Variants in SP140 observed in about 807,000 individuals in gnomAD.
SP140 encodes the protein nuclear body protein SP140.
In SP140, 81 loss-of-function variants were observed where a neutral mutation model predicts 125.0. The ratio of observed to expected loss-of-function variants is 0.65; its 90% confidence interval spans 0.54 to 0.78. The LOEUF (loss-of-function observed/expected upper bound fraction) is 0.78, where lower values mean the gene tolerates loss of function less well. Among genes scored for constraint, SP140 ranks in the 30% least tolerant of loss-of-function variants. The probability of loss-of-function intolerance (pLI) is 0.00; values close to 1 mark genes in which losing one functional copy is unlikely to be tolerated. For missense variants in SP140, 858 were observed against 1,037.0 expected, an observed-to-expected ratio of 0.83 and a Z score of 2.37; for synonymous variants, 312 against 354.0, an observed-to-expected ratio of 0.88 and a Z score of 1.33.
intron 22 of SP140, among the ~76,000 whole-genome samples, chr2:230,308,020 G>GACAC (rs1211502170): frequency 9.1e-6 from 1 of 110,134 alleles, no homozygotes; most frequent in East Asian, 2.5e-4. Flanking sequence ...CACACACAGA[G>GACAC]ACACACACAC....
Position 230,248,853 on chromosome 2 carries a change from C to T in SP140, c.893-32C>T, listed in dbSNP as rs201540175. 2.5e-4 allele frequency: 393 copies of T among 1,566,860 alleles called. 2 individuals carry two copies. In the African/African-American group the frequency reaches 5.1e-3, roughly 20 times the overall value. On this transcript the variant is annotated intron_variant, in intron 8 of 26. Coordinates refer to ENST00000392045, the MANE Select transcript of SP140 (RefSeq NM_007237.5). ...CTGAGGCCTGTGTCCAAGTCACCCT[C>T]TGTGGTCTGTCAATTTCTTGTTTAT...
At chr2:230,253,595 C>A (rs939309300) in intron 11 of SP140, among the ~76,000 whole-genome samples, 178 bp downstream of exon 11, 1 of 152,022 alleles carries the variant, frequency 6.6e-6, no homozygotes, top group Non-Finnish European at 1.5e-5. Flanking sequence ...GACAAAGGAT[C>A]AAGCTAAGGT....
intron 22 of SP140, among the ~76,000 whole-genome samples, chr2:230,303,279 C>G (rs1431737364): frequency 1.3e-5 from 2 of 152,082 alleles, no homozygotes; most frequent in Non-Finnish European, 2.9e-5. Context: ...ACTATGAACA[C>G]CTTTATGCAC....
chr2:230,313,085 A>T lies in SP140; in HGVS notation c.*401A>T, dbSNP rs2059441714. On this transcript the variant is annotated 3_prime_UTR_variant, in exon 27 of 27. Transcript: ENST00000392045. Reference sequence around the variant, plus strand: ...ACTTCCGTGGCCACCTCCATGCAGAAGCCCTAAGCCCACATTCTTTCGATA... The same window carrying T: ...ACTTCCGTGGCCACCTCCATGCAGATGCCCTAAGCCCACATTCTTTCGATA... 1 of 192,656 alleles carries T rather than the reference A, an allele frequency of 5.2e-6. No homozygotes were observed. Among genetic ancestry groups the T allele is most frequent in the Admixed American group, 6.3e-5 (1 of 15,824 alleles). The allele number at this position is 192,656 out of a possible 1,614,324, so 11.9% of individuals were successfully genotyped here.
chr2:230,246,182 C>T (rs1041391444), intron 7 of SP140, among the ~76,000 whole-genome samples: 4 of 152,104 alleles, frequency 2.6e-5, no homozygotes, highest in Non-Finnish European at 5.9e-5. Flanking sequence ...CAGTCTATGT[C>T]CAGCTTCTTC....
At chr2:230,222,722 T>C (rs181870628), upstream of SP140, among the ~76,000 whole-genome samples, 71 of 151,718 alleles carry the variant, frequency 4.7e-4, no homozygotes, top group African/African-American at 1.7e-3. Context: ...ATACAGACCA[T>C]TTCTGTTACC....
Position 230,269,856 on chromosome 2 carries a change from T to C in SP140, c.1347T>C (p.Tyr449=), listed in dbSNP as rs759571518. ...DNVPGAEQSA[Y]ENEKCSCVMC... ...GCCCAGGAGCGGAGCAATCAGCATA[T>C]GAAAATGAGAAGTGTTCCTGTGTCA... is the stretch of plus-strand genomic sequence containing the variant. The change falls in exon 14 of 27, where the codon TAT becomes TAC. Residue 449 remains tyrosine (Y), a synonymous_variant. Coordinates refer to ENST00000392045, the MANE Select transcript of SP140 (RefSeq NM_007237.5). The C allele has an allele frequency of 1.9e-6, 3 of 1,613,868 alleles. No homozygotes were observed. Among genetic ancestry groups the C allele is most frequent in the Admixed American group, 1.7e-5 (1 of 59,984 alleles).
chr2:230,284,432 A>G lies in SP140; in HGVS notation c.1564+21A>G, dbSNP rs2056079280. 3 of 1,596,356 alleles carry G rather than the reference A, an allele frequency of 1.9e-6. No individual in the cohort carries two copies. In the East Asian group the frequency reaches 6.7e-5, roughly 36 times the overall value. On this transcript the variant is annotated intron_variant, in intron 16 of 26. Transcript: ENST00000392045. Reference sequence around the variant, plus strand: ...AAATGGTAAGCAGGCAAAGTGAAGTAGTTACAGCTTTTGAGTTTATTAGGG... The same window carrying G: ...AAATGGTAAGCAGGCAAAGTGAAGTGGTTACAGCTTTTGAGTTTATTAGGG...
In SP140 at chr2:230,249,232, G is replaced by A. The variant is rs376393026; in HGVS notation, c.976+264G>A. 1.2e-4 allele frequency among the ~76,000 whole-genome samples: 18 copies of A among 152,266 alleles called. 3 individuals are homozygous for A. The highest frequency in any genetic ancestry group is 6.5e-4 in the Admixed American group (10 of 15,290). Reference sequence around the variant, plus strand: ...GAATATACCAGAGGTAGGCTGGGGCGCCAGAGAAGTGCGTGGGTGATGTTA... The same window carrying A: ...GAATATACCAGAGGTAGGCTGGGGCACCAGAGAAGTGCGTGGGTGATGTTA... On this transcript the variant is annotated intron_variant, in intron 9 of 26. Coordinates refer to ENST00000392045, the MANE Select transcript of SP140 (RefSeq NM_007237.5).
At chr2:230,225,695 G>T (rs909052896), upstream of SP140, 1 of 711,480 alleles carries the variant, frequency 1.4e-6, no homozygotes, top group Non-Finnish European at 2.6e-6. Context: ...GGACTGTAGA[G>T]TTGGTGCACC....
At chr2:230,311,914 G>T (rs2059364033) in intron 26 of SP140, among the ~76,000 whole-genome samples, 1 of 152,192 alleles carries the variant, frequency 6.6e-6, no homozygotes, top group Admixed American at 6.5e-5. Context: ...TCTTAAAGTG[G>T]TATTGTGCTT....
chr2:230,222,773 T>A (rs1407269022), upstream of SP140, among the ~76,000 whole-genome samples: 1 of 151,418 alleles, frequency 6.6e-6, no homozygotes, highest in Non-Finnish European at 1.5e-5. Flanking sequence ...ATCCCCTCCT[T>A]AAGGCCAGCA....
chr2:230,233,755 T>G (rs2047588059), intron 1 of SP140, among the ~76,000 whole-genome samples: 1 of 152,236 alleles, frequency 6.6e-6, no homozygotes, highest in Non-Finnish European at 1.5e-5. Flanking sequence ...TTGCTTTACA[T>G]TTTTATACGT....
In SP140 at chr2:230,211,125, C is replaced by G. The variant is rs2044422924; in HGVS notation, c.-322-2529C>G. Among the ~76,000 whole-genome samples the G allele has an allele frequency of 6.6e-6, 1 of 152,202 alleles. No individual in the cohort carries two copies. Among genetic ancestry groups the G allele is most frequent in the African/African-American group, 2.4e-5 (1 of 41,456 alleles). On this transcript the variant is annotated intron_variant, in intron 1 of 4. Transcript: ENST00000456542. This position sits in a 1 kb window ranked among gnomAD's most constrained non-coding sequence, Gnocchi z 4.2. Reference sequence around the variant, plus strand: ...CCCTTGCTTTCCCCTGGGGTTCCTGCCACAACCCTTTGTGGCAGGTGAATG... The same window carrying G: ...CCCTTGCTTTCCCCTGGGGTTCCTGGCACAACCCTTTGTGGCAGGTGAATG...
intron 1 of SP140, among the ~76,000 whole-genome samples, chr2:230,236,816 G>T (rs1384755761): frequency 6.6e-6 from 1 of 152,324 alleles, no homozygotes; most frequent in East Asian, 1.9e-4. Context: ...GAGTTCAGGT[G>T]AAGGTCTCTT....
At position 230,237,100 on chromosome 2, in the gene SP140, A is replaced by G; in HGVS notation, c.77A>G (p.Gln26Arg). 5.7e-6 allele frequency: 9 copies of G among 1,592,490 alleles called. No individual in the cohort carries two copies. The highest frequency in any genetic ancestry group is 7.7e-6 in the Non-Finnish European group (9 of 1,172,662). Residue 26 changes from glutamine (Q) to arginine (R), a missense_variant, in exon 2 of 27, where the codon CAG (glutamine) becomes CGG (arginine). This residue lies in a region of SP140 where 791 missense variants were observed against 869.5 expected (regional missense o/e 0.91). Coordinates refer to ENST00000392045, the MANE Select transcript of SP140 (RefSeq NM_007237.5). The surrounding 1 kb of genome is among the most constrained non-coding windows in gnomAD (Gnocchi z 5.4). Reference sequence around the variant, plus strand: ...TTTCTTAGGATGGTCGCAGAGATCCAGAACGTAGAGGGTCAGAACCTGCAG... The same window carrying G: ...TTTCTTAGGATGGTCGCAGAGATCCGGAACGTAGAGGGTCAGAACCTGCAG... ...NLNFRMVAEI[Q>R]NVEGQNLQEQ...
chr2:230,263,000 C>G (rs2052521645), intron 12 of SP140, among the ~76,000 whole-genome samples: 1 of 152,088 alleles, frequency 6.6e-6, no homozygotes, highest in Admixed American at 6.6e-5. Flanking sequence ...AGTTTAAACC[C>G]ATTGTTTCAT....
At chr2:230,301,128 C>T (rs989456408) in intron 22 of SP140, among the ~76,000 whole-genome samples, 1 of 152,176 alleles carries the variant, frequency 6.6e-6, no homozygotes, top group East Asian at 1.9e-4. Flanking sequence ...ATGAACAAAG[C>T]CTCCACGAAG....
At chr2:230,241,348 A>T in intron 3 of SP140, 56 bp from the exon 4 acceptor site, 1 of 1,060,902 alleles carries the variant, frequency 9.4e-7, no homozygotes, top group Non-Finnish European at 1.5e-6. Flanking sequence ...GAGCACACTG[A>T]GGTCTCTCCT....
Sources: allele counts gnomAD v4.1 joint callset (sites outside exome capture counted in the v4.1 genomes callset), GRCh38; gene constraint gnomAD v4.1.1; regional missense constraint gnomAD v4.1.1; non-coding constraint Gnocchi (gnomAD v3.1); transcripts MANE v1.5; gene names NCBI Gene and HGNC (gene_info 2026-07-23, HGNC 2026-07-21).